Variants in NRXN3 observed in about 807,000 individuals in gnomAD.
NRXN3 encodes the protein neurexin III.
Under a neutral mutation model 137.6 loss-of-function variants are expected in NRXN3, and 32 were observed. That is an observed-to-expected ratio of 0.23 (90% CI 0.18 to 0.31). The LOEUF (loss-of-function observed/expected upper bound fraction) is 0.31, where lower values mean the gene tolerates loss of function less well. Among genes scored for constraint, NRXN3 ranks in the 10% least tolerant of loss-of-function variants. The pLI is 1.00. For missense variants in NRXN3, 1,574 were observed against 2,062.5 expected, an observed-to-expected ratio of 0.76 and a Z score of 4.59; for synonymous variants, 798 against 784.5, an observed-to-expected ratio of 1.02 and a Z score of -0.29.
intron 15 of NRXN3, among the ~76,000 whole-genome samples, chr14:79,109,537 AT>A (rs1196479907): frequency 6.6e-6 from 1 of 152,172 alleles, no homozygotes; most frequent in South Asian, 2.1e-4. Context: ...GGAAATGAAT[AT>A]TTAAACAGAT....
chr14:78,940,101 A>C (rs1220314741), intron 10 of NRXN3, among the ~76,000 whole-genome samples: 2 of 152,176 alleles, frequency 1.3e-5, no homozygotes, highest in Admixed American at 6.5e-5. Flanking sequence ...TCCTGGCTAC[A>C]TCTTTAGACT....
At chr14:79,859,344 C>T (rs560279439) in intron 20 of NRXN3, among the ~76,000 whole-genome samples, 1 of 152,282 alleles carries the variant, frequency 6.6e-6, no homozygotes, top group African/African-American at 2.4e-5. Flanking sequence ...TGGGCACCAA[C>T]AGTTTCTCAG....
At chr14:79,227,928 A>G (rs1407898094) in intron 15 of NRXN3, among the ~76,000 whole-genome samples, 2 of 150,734 alleles carry the variant, frequency 1.3e-5, no homozygotes, top group Non-Finnish European at 3.0e-5. Context: ...CACATGTGAC[A>G]GTTAAAAAGA....
intron 4 of NRXN3, among the ~76,000 whole-genome samples, chr14:78,471,301 C>T (rs1038443571): frequency 1.3e-4 from 4 of 31,944 alleles, no homozygotes; most frequent in Non-Finnish European, 3.8e-4. Context: ...AACACACACA[C>T]ACACACACAC....
At chr14:79,697,525 A>T in intron 18 of NRXN3, 105 bp from the exon 19 acceptor site, 1 of 1,232,168 alleles carries the variant, frequency 8.1e-7, no homozygotes, top group Non-Finnish European at 1.1e-6. Flanking sequence ...CCTCCCCTTC[A>T]ATTGCTCAAG....
chr14:79,692,572 TATTA>T (rs2098720558), intron 18 of NRXN3, among the ~76,000 whole-genome samples: 1 of 152,072 alleles, frequency 6.6e-6, no homozygotes, highest in Non-Finnish European at 1.5e-5. Context: ...TGACATTATT[TATTA>T]ATTTGTTTTA....
At chr14:78,940,501 C>T (rs2099351006) in intron 10 of NRXN3, among the ~76,000 whole-genome samples, 1 of 152,102 alleles carries the variant, frequency 6.6e-6, no homozygotes, top group African/African-American at 2.4e-5. Context: ...AACTTTGATC[C>T]AGGGATCAAA....
At chr14:78,581,416 G>T (rs2096994858) in intron 4 of NRXN3, among the ~76,000 whole-genome samples, 1 of 152,116 alleles carries the variant, frequency 6.6e-6, no homozygotes. Flanking sequence ...CTAAGGGGAG[G>T]CATACTGTGT....
At chr14:78,755,442 G>A (rs941367581) in intron 8 of NRXN3, among the ~76,000 whole-genome samples, 2 of 152,108 alleles carry the variant, frequency 1.3e-5, no homozygotes. Flanking sequence ...TTCAGTACAT[G>A]TTAGGTATCC....
At chr14:79,102,451 T>A (rs563105147) in intron 15 of NRXN3, among the ~76,000 whole-genome samples, 19 of 152,328 alleles carry the variant, frequency 1.2e-4, no homozygotes, top group African/African-American at 4.3e-4. Context: ...CACTCTGGCA[T>A]ATTCTTCATG....
intron 20 of NRXN3, among the ~76,000 whole-genome samples, chr14:79,854,924 C>T (rs547746456): frequency 3.2e-4 from 48 of 152,204 alleles, no homozygotes; most frequent in African/African-American, 1.1e-3. Flanking sequence ...CCAGGTGTTT[C>T]GAGTATTGTT....
intron 15 of NRXN3, among the ~76,000 whole-genome samples, chr14:79,094,979 A>AGTGTGTGTGTGT (rs1555740770): frequency 0.017 from 1,986 of 115,926 alleles, 27 homozygotes; most frequent in Non-Finnish European, 0.024. Context: ...AGAGAGAGAG[A>AGTGTGTGTGTGT]GTGTGTGTGT....
intron 4 of NRXN3, among the ~76,000 whole-genome samples, chr14:78,476,546 TG>T (rs1243188919): frequency 6.6e-6 from 1 of 152,198 alleles, no homozygotes; most frequent in African/African-American, 2.4e-5. Context: ...AATAATTTTT[TG>T]TTTTTCATAT....
intron 4 of NRXN3, among the ~76,000 whole-genome samples, chr14:78,540,369 C>T (rs1168738337): frequency 6.7e-6 from 1 of 148,928 alleles, no homozygotes; most frequent in African/African-American, 2.5e-5. Flanking sequence ...TAATGGCCTT[C>T]TTTTTCTCTT....
At chr14:78,737,717 C>G (rs908457929) in intron 8 of NRXN3, among the ~76,000 whole-genome samples, 4 of 152,150 alleles carry the variant, frequency 2.6e-5, no homozygotes, top group Admixed American at 6.5e-5. Context: ...CACTGAAACT[C>G]TCTTTCTATT....
chr14:79,360,366 A>G (rs909486289), intron 15 of NRXN3, among the ~76,000 whole-genome samples: 4 of 152,202 alleles, frequency 2.6e-5, no homozygotes, highest in African/African-American at 9.6e-5. Context: ...TGGCCTCCCA[A>G]AGTGCTAGGA....
chr14:79,624,462 T>C (rs1306931976), intron 16 of NRXN3, among the ~76,000 whole-genome samples: 1 of 152,104 alleles, frequency 6.6e-6, no homozygotes, highest in African/African-American at 2.4e-5. Flanking sequence ...TATGTATACA[T>C]AGTGAAATTA....
At chr14:78,240,434 C>T (rs1163361478) in intron 1 of NRXN3, among the ~76,000 whole-genome samples, 1 of 152,130 alleles carries the variant, frequency 6.6e-6, no homozygotes, top group African/African-American at 2.4e-5. Flanking sequence ...GATCAAGGCC[C>T]TTTGTTTTAG....
At chr14:79,370,106 C>T (rs1055337665) in intron 15 of NRXN3, among the ~76,000 whole-genome samples, 7 of 152,114 alleles carry the variant, frequency 4.6e-5, no homozygotes, top group African/African-American at 1.7e-4. Flanking sequence ...GCTGTTCTCC[C>T]TTGAACTTGG....
Sources: allele counts gnomAD v4.1 joint callset (sites outside exome capture counted in the v4.1 genomes callset), GRCh38; gene constraint gnomAD v4.1.1; transcripts MANE v1.5; gene names NCBI Gene and HGNC (gene_info 2026-07-23, HGNC 2026-07-21).